The following SMC1B variants were observed in gnomAD, a reference collection of about 807,000 sequenced individuals.
SMC1B encodes the protein structural maintenance of chromosomes 1B, also known as structural maintenance of chromosomes protein 1B.
A neutral mutation model predicts 157.9 loss-of-function variants in SMC1B; 60 were observed. The observed-to-expected ratio is 0.38, with a 90% CI of 0.31 to 0.47. The LOEUF is 0.47. SMC1B is among the 20% of genes least tolerant of loss of function. The pLI is 0.99. For missense variants in SMC1B, 1,165 were observed against 1,426.2 expected (o/e 0.82, Z 2.95); for synonymous variants, 445 against 483.0 (o/e 0.92, Z 1.03).
At chr22:45,353,211 G>A (rs1464410535) in intron 21 of SMC1B, among the ~76,000 whole-genome samples, 5 of 146,390 alleles carry the variant, frequency 3.4e-5, no homozygotes, top group South Asian at 2.1e-4. Flanking sequence ...TCAGTGAGCC[G>A]AGATCGCACC....
intron 22 of SMC1B, 114 bp from the exon 23 acceptor site, chr22:45,349,911 C>G (rs944895583): frequency 2.3e-5 from 19 of 829,268 alleles, no homozygotes; most frequent in Non-Finnish European, 3.4e-5. Flanking sequence ...TTGGATATTT[C>G]TAAGTAATCG....
chr22:45,370,571 T>G (rs2086821553), intron 14 of SMC1B, among the ~76,000 whole-genome samples: 1 of 152,208 alleles, frequency 6.6e-6, no homozygotes, highest in South Asian at 2.1e-4. Context: ...GAGAAAGAAC[T>G]ATTTTAAGAA....
At chr22:45,380,749 C>T (rs1458998548) in intron 12 of SMC1B, among the ~76,000 whole-genome samples, 1 of 151,894 alleles carries the variant, frequency 6.6e-6, no homozygotes, top group Non-Finnish European at 1.5e-5. Context: ...AAGGCCCTGT[C>T]GCTACAAAAA....
intron 13 of SMC1B, among the ~76,000 whole-genome samples, 177 bp from the exon 14 acceptor site, chr22:45,371,764 T>C (rs184078777): frequency 3.7e-4 from 56 of 152,290 alleles, no homozygotes; most frequent in African/African-American, 1.2e-3. Flanking sequence ...ATAATCTCAA[T>C]CATGGGATAA....
At chr22:45,400,535 TA>T (rs967267894) in intron 5 of SMC1B, among the ~76,000 whole-genome samples, 1 of 152,156 alleles carries the variant, frequency 6.6e-6, no homozygotes, top group Non-Finnish European at 1.5e-5. Flanking sequence ...AATTTTAAAA[TA>T]ATTAAGTAGA....
chr22:45,360,106 G>A, intron 17 of SMC1B, 148 bp from the exon 18 acceptor site: 1 of 624,928 alleles, frequency 1.6e-6, no homozygotes, highest in Non-Finnish European at 2.7e-6. Context: ...ATTGATGCTT[G>A]TAATTTAATT....
chr22:45,408,003 C>T (rs1176831095), intron 2 of SMC1B, among the ~76,000 whole-genome samples: 2 of 152,188 alleles, frequency 1.3e-5, no homozygotes, highest in Admixed American at 1.3e-4. Flanking sequence ...GTAGAAAAAA[C>T]TGTCTATAAT....
At chr22:45,365,690 A>C (rs2086769267) in intron 15 of SMC1B, among the ~76,000 whole-genome samples, 1 of 152,178 alleles carries the variant, frequency 6.6e-6, no homozygotes, top group East Asian at 1.9e-4. Context: ...GGGTTGACAG[A>C]GTGAGACCCT....
intron 2 of SMC1B, among the ~76,000 whole-genome samples, chr22:45,407,526 A>G (rs1183459195): frequency 2.6e-5 from 4 of 151,696 alleles, no homozygotes; most frequent in East Asian, 3.9e-4. Context: ...CAGTGGCGCA[A>G]TCTTGGCTCA....
At chr22:45,399,862 C>T (rs891167815) in intron 5 of SMC1B, among the ~76,000 whole-genome samples, 1 of 151,938 alleles carries the variant, frequency 6.6e-6, no homozygotes, top group African/African-American at 2.4e-5. Flanking sequence ...CATGGGGGTA[C>T]GGGTTAACAA....
At chr22:45,347,913 A>G (rs2086568751) in intron 23 of SMC1B, among the ~76,000 whole-genome samples, 1 of 152,196 alleles carries the variant, frequency 6.6e-6, no homozygotes, top group South Asian at 2.1e-4. Flanking sequence ...ATCTCCAAGA[A>G]TGAATGGCCC....
chr22:45,394,084 G>C (rs2087093759), intron 8 of SMC1B, among the ~76,000 whole-genome samples: 1 of 152,142 alleles, frequency 6.6e-6, no homozygotes, highest in Non-Finnish European at 1.5e-5. Context: ...TACTTTGAGA[G>C]GTTGAGTGGG....
Position 45,370,077 on chromosome 22 carries a change from A to G in SMC1B, c.2314-17T>C. 7.5e-7 allele frequency: 1 copy of G among 1,330,828 alleles called. No individual in the cohort carries two copies. Among genetic ancestry groups the G allele is most frequent in the East Asian group, 2.5e-5 (1 of 40,528 alleles). 82.4% of individuals were successfully genotyped at this position (1,330,828 alleles called of 1,614,324 possible). A position where few individuals can be genotyped will look rare whatever the true frequency, so the allele number is the denominator to read the frequency against. On this transcript the variant is annotated splice_polypyrimidine_tract_variant and intron_variant, in intron 14 of 24. Transcript: ENST00000357450. ...GTCTTCTACCTTTTAAATTATTTTAAAACAATTGATTTAATAAGCAATTTT... is the reference window on the plus strand; with the variant it reads ...GTCTTCTACCTTTTAAATTATTTTAGAACAATTGATTTAATAAGCAATTTT...
At chr22:45,358,036 A>G (rs1316714763) in intron 19 of SMC1B, among the ~76,000 whole-genome samples, 1 of 152,208 alleles carries the variant, frequency 6.6e-6, no homozygotes, top group Non-Finnish European at 1.5e-5. Context: ...TCAATCATGT[A>G]TGTAATGAAC....
chr22:45,375,331 CA>C (rs1263971072), intron 12 of SMC1B, among the ~76,000 whole-genome samples: 5 of 152,176 alleles, frequency 3.3e-5, no homozygotes, highest in African/African-American at 1.2e-4. Context: ...ATCGATGTCT[CA>C]TTTCTCCCTA....
intron 2 of SMC1B, among the ~76,000 whole-genome samples, chr22:45,408,425 C>G (rs1199397729): frequency 6.6e-6 from 1 of 152,130 alleles, no homozygotes; most frequent in Non-Finnish European, 1.5e-5. Flanking sequence ...ATACCCGACC[C>G]TCCCTCCTTC....
intron 12 of SMC1B, among the ~76,000 whole-genome samples, chr22:45,373,793 T>C (rs973767782): frequency 2.0e-5 from 3 of 152,208 alleles, no homozygotes; most frequent in African/African-American, 7.2e-5. Flanking sequence ...TATTGCAGTT[T>C]TCATAAATAA....
chr22:45,385,221 A>ATG (rs1237695720), intron 11 of SMC1B, among the ~76,000 whole-genome samples: 6 of 152,184 alleles, frequency 3.9e-5, no homozygotes, highest in African/African-American at 1.4e-4. Flanking sequence ...TGCCCAAACT[A>ATG]TAGCTAGCAG....
In SMC1B at chr22:45,345,660, C is replaced by T. The variant is rs186666960; in HGVS notation, c.3496-91G>A. The T allele has an allele frequency of 6.2e-4, 477 of 769,432 alleles. 1 individual carries two copies. Among genetic ancestry groups the T allele is most frequent in the Middle Eastern group, 2.8e-3 (12 of 4,238 alleles). 47.7% of individuals were successfully genotyped at this position (769,432 alleles called of 1,614,324 possible). A position where few individuals can be genotyped will look rare whatever the true frequency, so the allele number is the denominator to read the frequency against. ...AATTCTGCATGTCTCTGAGTCTGGT[C>T]AGTTTAGGTGACAAGGACTTATCCA... On this transcript the variant is annotated intron_variant, in intron 23 of 24. Transcript: ENST00000357450.
Sources: allele counts gnomAD v4.1 joint callset (sites outside exome capture counted in the v4.1 genomes callset), GRCh38; gene constraint gnomAD v4.1.1; transcripts MANE v1.5; gene names NCBI Gene and HGNC (gene_info 2026-07-23, HGNC 2026-07-21).